Variants in KRAS observed in about 807,000 individuals in gnomAD.
KRAS encodes the protein GTPase KRas.
In KRAS, 1 loss-of-function variant was observed where a neutral mutation model predicts 21.0. The ratio of observed to expected loss-of-function variants is 0.05; its 90% CI spans 0.02 to 0.23. KRAS has a LOEUF of 0.23. KRAS is among the 10% of genes least tolerant of loss of function. The pLI is 1.00. For missense variants in KRAS, 107 were observed against 221.8 expected, an observed-to-expected ratio of 0.48 and a Z score of 3.29; for synonymous variants, 67 against 72.5, an observed-to-expected ratio of 0.92 and a Z score of 0.39.
At chr12:25,226,787 A>G (rs1951398513) in intron 3 of KRAS, among the ~76,000 whole-genome samples, 1 of 152,174 alleles carries the variant, frequency 6.6e-6, no homozygotes, top group Non-Finnish European at 1.5e-5. Flanking sequence ...ATCTTTCAAA[A>G]CTTTTATTTT....
Position 25,207,515 on chromosome 12 carries a change from C to CA in KRAS, c.*2279dup, listed in dbSNP as rs56128001. On this transcript the variant is annotated 3_prime_UTR_variant, in exon 5 of 5. Coordinates refer to ENST00000311936, the MANE Select transcript of KRAS (RefSeq NM_004985.5). The stretch of plus-strand genomic sequence containing the variant: ...GGTGACAAGAGCGAGACTCTGACAC[C>CA]AAAAAAAAAAAGTAAGCTTCATGAA... The CA allele has an allele frequency of 0.86, 159,856 of 185,244 alleles. 67,541 individuals carry two copies. The highest frequency in any genetic ancestry group is 0.96 in the South Asian group (4,776 of 5,000). The allele number at this position is 185,244 out of a possible 1,614,324, so 11.5% of individuals were successfully genotyped here.
At chr12:25,248,301 T>C (rs1352186858) in intron 1 of KRAS, among the ~76,000 whole-genome samples, 1 of 151,934 alleles carries the variant, frequency 6.6e-6, no homozygotes, top group East Asian at 2.0e-4. Context: ...TATCTAAAAA[T>C]ACAATTAGCC....
Position 25,209,560 on chromosome 12 carries a change from T to A in KRAS, c.*235A>T. On this transcript the variant is annotated 3_prime_UTR_variant, in exon 5 of 5. Coordinates refer to ENST00000311936, the MANE Select transcript of KRAS (RefSeq NM_004985.5). ...CAAGACAGAAATCTTAGGTATTCAGTTTCTTTTTCACAGGCATTGCTAGTT... is the reference window on the plus strand; with the variant it reads ...CAAGACAGAAATCTTAGGTATTCAGATTCTTTTTCACAGGCATTGCTAGTT... 1 of 1,331,490 alleles carries A rather than the reference T, an allele frequency of 7.5e-7. No individual in the cohort carries two copies. The highest frequency in any genetic ancestry group is 9.6e-7 in the Non-Finnish European group (1 of 1,044,484). The allele number at this position is 1,331,490 out of a possible 1,614,324, so 82.5% of individuals were successfully genotyped here.
chr12:25,248,604 C>T (rs1283780445), intron 1 of KRAS, among the ~76,000 whole-genome samples: 9 of 134,402 alleles, frequency 6.7e-5, no homozygotes, highest in Non-Finnish European at 1.1e-4. Flanking sequence ...GTGGTTGTTT[C>T]CAGAAAAAAA....
At chr12:25,222,276 T>C (rs1326742675) in intron 4 of KRAS, among the ~76,000 whole-genome samples, 1 of 152,132 alleles carries the variant, frequency 6.6e-6, no homozygotes, top group African/African-American at 2.4e-5. Context: ...TAACTGGAGA[T>C]GTAAAATTTA....
rs886049198 is a variant in KRAS, at chr12:25,209,736, T to C, written c.*59A>G. ...TAAAACAAATGCTAATAATTTAGTGTAATGTACAAAAATTACCACTTGTAC... is the reference window on the plus strand; with the variant it reads ...TAAAACAAATGCTAATAATTTAGTGCAATGTACAAAAATTACCACTTGTAC... On this transcript the variant is annotated 3_prime_UTR_variant, in exon 5 of 5. Coordinates refer to ENST00000311936, the MANE Select transcript of KRAS (RefSeq NM_004985.5). 1.9e-5 allele frequency: 30 copies of C among 1,584,324 alleles called. No homozygotes were observed. Among genetic ancestry groups the C allele is most frequent in the Non-Finnish European group, 2.2e-5 (26 of 1,165,564 alleles).
chr12:25,249,056 A>C (rs1951727036), intron 1 of KRAS, among the ~76,000 whole-genome samples: 1 of 152,232 alleles, frequency 6.6e-6, no homozygotes, highest in Non-Finnish European at 1.5e-5. Context: ...TATAAACATA[A>C]CATATACATT....
At chr12:25,211,239 T>A (rs1951197722) in intron 4 of KRAS, 1 of 152,328 alleles carries the variant, frequency 6.6e-6, no homozygotes, top group African/African-American at 2.4e-5. Flanking sequence ...AAAAATTATA[T>A]GTGTAAAAAT....
At chr12:25,212,178 C>G (rs1308177469) in intron 4 of KRAS, among the ~76,000 whole-genome samples, 1 of 152,142 alleles carries the variant, frequency 6.6e-6, no homozygotes. Flanking sequence ...ACTCCCTTAC[C>G]CTGAATGAAT....
At chr12:25,217,527 TTA>T (rs1951269413) in intron 4 of KRAS, among the ~76,000 whole-genome samples, 1 of 64,988 alleles carries the variant, frequency 1.5e-5, no homozygotes, top group Non-Finnish European at 4.5e-5. Context: ...AAGAGCAGTC[TTA>T]TCTTATTTTT....
chr12:25,246,255 A>C (rs1254776714), intron 1 of KRAS, among the ~76,000 whole-genome samples: 1 of 152,122 alleles, frequency 6.6e-6, no homozygotes, highest in South Asian at 2.1e-4. Flanking sequence ...ACCGCTGCAC[A>C]AAAAAAGATA....
chr12:25,222,790 A>C (rs1951343643), intron 4 of KRAS, among the ~76,000 whole-genome samples: 1 of 152,222 alleles, frequency 6.6e-6, no homozygotes, highest in Admixed American at 6.5e-5. Flanking sequence ...TGTTATATTA[A>C]AGTATTAAGG....
At chr12:25,246,516 C>G (rs1951683623) in intron 1 of KRAS, among the ~76,000 whole-genome samples, 1 of 152,096 alleles carries the variant, frequency 6.6e-6, no homozygotes, top group Admixed American at 6.5e-5. Context: ...CCAGATCACG[C>G]CACTGCACTC....
At chr12:25,216,353 G>A (rs1234767317) in intron 4 of KRAS, among the ~76,000 whole-genome samples, 1 of 152,138 alleles carries the variant, frequency 6.6e-6, no homozygotes, top group Middle Eastern at 3.2e-3. Flanking sequence ...GATCATGACT[G>A]CAGCCTCGAC....
chr12:25,232,891 TTATC>T (rs1448035582), intron 2 of KRAS, among the ~76,000 whole-genome samples: 2 of 152,184 alleles, frequency 1.3e-5, no homozygotes, highest in Admixed American at 6.5e-5. Context: ...ATTACAGTAT[TTATC>T]TAAAGTCATT....
intron 1 of KRAS, among the ~76,000 whole-genome samples, chr12:25,247,814 T>C (rs530529354): frequency 5.3e-5 from 8 of 152,364 alleles, no homozygotes; most frequent in African/African-American, 1.4e-4. Context: ...TTAAGCCACA[T>C]CATTAAAGAG....
At chr12:25,236,638 G>C (rs1213468461) in intron 2 of KRAS, among the ~76,000 whole-genome samples, 5 of 151,996 alleles carry the variant, frequency 3.3e-5, no homozygotes, top group Admixed American at 2.6e-4. Flanking sequence ...GGAAATAAGA[G>C]AGAGAAGAAG....
At chr12:25,246,538 A>AC (rs1429477147) in intron 1 of KRAS, among the ~76,000 whole-genome samples, 1 of 152,084 alleles carries the variant, frequency 6.6e-6, no homozygotes, top group East Asian at 1.9e-4. Flanking sequence ...AGATTGGGTG[A>AC]CGGAGTAAGA....
intron 3 of KRAS, among the ~76,000 whole-genome samples, chr12:25,226,693 T>C (rs1951396921): frequency 6.6e-6 from 1 of 152,196 alleles, no homozygotes; most frequent in Non-Finnish European, 1.5e-5. Flanking sequence ...AGAAATAGAA[T>C]ATAAAATAGT....
Sources: gnomAD v4.1 joint callset for allele counts (sites outside exome capture counted in the v4.1 genomes callset) on GRCh38, gnomAD v4.1.1 for gene constraint, MANE v1.5 for transcripts, NCBI Gene and HGNC (gene_info 2026-07-23, HGNC 2026-07-21) for gene names.